Variants in LIN28B observed in about 807,000 individuals in gnomAD.
The protein encoded by LIN28B is protein lin-28 homolog B.
In LIN28B, 5 loss-of-function variants were observed where a neutral mutation model predicts 21.9. The ratio of observed to expected loss-of-function variants is 0.23; its 90% CI spans 0.12 to 0.48. The LOEUF is 0.48. LIN28B is among the 20% of genes least tolerant of loss of function. The pLI, the probability that LIN28B is intolerant of heterozygous loss-of-function variation, is 0.98. For synonymous variants in LIN28B, 109 were observed against 111.3 expected, an observed-to-expected ratio of 0.98 and a Z score of 0.13; for missense variants, 245 against 310.5, an observed-to-expected ratio of 0.79 and a Z score of 1.58.
chr6:104,991,581 C>T (rs1770480759), intron 2 of LIN28B, among the ~76,000 whole-genome samples: 1 of 152,022 alleles, frequency 6.6e-6, no homozygotes, highest in Admixed American at 6.5e-5. Flanking sequence ...GGCGGCCGGG[C>T]AGAGACGCTC....
chr6:104,967,576 C>CCA (rs1769887496), intron 2 of LIN28B, among the ~76,000 whole-genome samples: 1 of 60,736 alleles, frequency 1.6e-5, no homozygotes. Flanking sequence ...AACTCCCTCT[C>CCA]AAAAAAAAAA....
chr6:104,945,008 G>C (rs936724028), intron 2 of LIN28B, among the ~76,000 whole-genome samples: 5 of 152,052 alleles, frequency 3.3e-5, no homozygotes, highest in African/African-American at 1.2e-4. Flanking sequence ...TTATTTTACA[G>C]ACTTACTTGG....
chr6:104,945,869 T>C (rs930266702), intron 2 of LIN28B, among the ~76,000 whole-genome samples: 6 of 152,140 alleles, frequency 3.9e-5, no homozygotes, highest in Non-Finnish European at 7.4e-5. Flanking sequence ...CCAGTCATCT[T>C]AAATTATTAC....
chr6:105,016,832 G>A (rs2114319200), intron 2 of LIN28B, among the ~76,000 whole-genome samples: 1 of 152,130 alleles, frequency 6.6e-6, no homozygotes, highest in Non-Finnish European at 1.5e-5. Context: ...TGAGTTGGGT[G>A]GATTGCTTGA....
chr6:104,985,545 A>C (rs554686384), intron 2 of LIN28B, among the ~76,000 whole-genome samples: 1 of 152,302 alleles, frequency 6.6e-6, no homozygotes, highest in African/African-American at 2.4e-5. Context: ...TTGTTCAGCA[A>C]ATATCTTCTC....
At chr6:105,024,719 G>A (rs887709508) in intron 2 of LIN28B, among the ~76,000 whole-genome samples, 1 of 152,090 alleles carries the variant, frequency 6.6e-6, no homozygotes, top group Non-Finnish European at 1.5e-5. Flanking sequence ...GGGCTGTCTT[G>A]CTTTCACAAT....
At chr6:104,980,620 G>A (rs920665046) in intron 2 of LIN28B, among the ~76,000 whole-genome samples, 2 of 152,114 alleles carry the variant, frequency 1.3e-5, no homozygotes, top group Non-Finnish European at 2.9e-5. Flanking sequence ...GTTAAAGGAA[G>A]AAGTTTCATT....
rs1344356882 is a variant in LIN28B at position 105,028,656 on chromosome 6, A to G, written c.383+2174A>G. ...TTTATCAAGATGGGGAAACCTACAG[A>G]AGGAGCCTGAAATCAAAAGTATAGT... On this transcript the variant is annotated intron_variant, in intron 3 of 3. Transcript: ENST00000345080. Among the ~76,000 whole-genome samples, 3 of 152,320 alleles carry G rather than the reference A, an allele frequency of 2.0e-5. No individual in the cohort carries two copies. In the East Asian group the frequency reaches 5.8e-4, roughly 29 times the overall value.
At chr6:104,966,705 T>A (rs973410871) in intron 2 of LIN28B, among the ~76,000 whole-genome samples, 3 of 149,340 alleles carry the variant, frequency 2.0e-5, no homozygotes, top group Non-Finnish European at 3.0e-5. Flanking sequence ...CACTGCAAGC[T>A]CCGCCTCCCA....
chr6:105,051,951 A>G (rs1468258952), intron 3 of LIN28B, among the ~76,000 whole-genome samples: 1 of 152,246 alleles, frequency 6.6e-6, no homozygotes, highest in Non-Finnish European at 1.5e-5. Flanking sequence ...GAAGAAAATT[A>G]TAGCAGTGTA....
At chr6:104,940,560 GTTCAATCTC>G (rs1288626298) in intron 2 of LIN28B, 2 of 150,862 alleles carry the variant, frequency 1.3e-5, no homozygotes, top group African/African-American at 4.8e-5. Flanking sequence ...TGAATGGAAG[GTTCAATCTC>G]GCGCGCTCGG....
At chr6:104,986,410 A>T (rs1049018321) in intron 2 of LIN28B, among the ~76,000 whole-genome samples, 1 of 151,968 alleles carries the variant, frequency 6.6e-6, no homozygotes, top group Non-Finnish European at 1.5e-5. Context: ...AATTATTGTT[A>T]CTTTATAGTA....
At chr6:105,053,432 C>T (rs1039108306) in intron 3 of LIN28B, among the ~76,000 whole-genome samples, 2 of 143,872 alleles carry the variant, frequency 1.4e-5, no homozygotes, top group Admixed American at 1.4e-4. Context: ...CATAAACTTA[C>T]TTGTTACTGG....
chr6:104,958,349 T>TA, intron 2 of LIN28B, 63 bp downstream of exon 2: 1 of 1,295,656 alleles, frequency 7.7e-7, no homozygotes, highest in Non-Finnish European at 1.1e-6. Flanking sequence ...GATCGGTAGT[T>TA]ATGCCAATAG....
chr6:105,040,240 T>C (rs1771605326), intron 3 of LIN28B, among the ~76,000 whole-genome samples: 1 of 152,148 alleles, frequency 6.6e-6, no homozygotes, highest in Admixed American at 6.5e-5. Flanking sequence ...TTTTTAGTCA[T>C]TATTTGCTTA....
In LIN28B at chr6:104,958,145, G is replaced by A. The variant is rs1275508762; in HGVS notation, c.57G>A (p.Glu19=). 4.4e-6 allele frequency: 7 copies of A among 1,606,428 alleles called. No individual in the cohort carries two copies. Among genetic ancestry groups the A allele is most frequent in the African/African-American group, 2.7e-5 (2 of 74,794 alleles). The change falls in exon 2 of 4, where the codon GAG becomes GAA. Residue 19 remains glutamate (E), a synonymous_variant. Coordinates refer to ENST00000345080, the MANE Select transcript of LIN28B (RefSeq NM_001004317.4). ...GAGAAGAGCCCGGGAAGCTGCCGGA[G>A]CCGGCAGAGGAGGAATCCCAGGTTT... The part of the protein sequence containing the change: ...GGGEEPGKLP[E]PAEEESQVLR...
chr6:104,956,221 C>T (rs1373803043), upstream of LIN28B, among the ~76,000 whole-genome samples: 1 of 152,016 alleles, frequency 6.6e-6, no homozygotes, highest in Non-Finnish European at 1.5e-5. Flanking sequence ...TCTTCACCTC[C>T]CCTGCCTGGC....
chr6:105,078,422 A>G lies in LIN28B; in HGVS notation c.392A>G (p.Asn131Ser). 8 of 1,600,996 alleles carry G rather than the reference A, an allele frequency of 5.0e-6. No homozygotes were observed. The highest frequency in any genetic ancestry group is 6.8e-6 in the Non-Finnish European group (8 of 1,169,102). Residue 131 changes from asparagine (N) to serine (S), a missense_variant, in exon 4 of 4, where the codon AAC (asparagine) becomes AGC (serine). Coordinates refer to ENST00000345080, the MANE Select transcript of LIN28B (RefSeq NM_001004317.4). ...KRKPKGDRCY[N>S]CGGLDHHAKE... ...ATCTTTTTTCCTTGTAGATGCTACA[A>G]CTGTGGTGGCCTTGATCATCATGCT...
upstream of LIN28B, among the ~76,000 whole-genome samples, chr6:104,953,059 A>G (rs563228765): frequency 1.3e-5 from 2 of 152,346 alleles, no homozygotes; most frequent in East Asian, 3.9e-4. Flanking sequence ...GTTACCGCCA[A>G]GTGGTTTACC....
Sources: allele counts gnomAD v4.1 joint callset (sites outside exome capture counted in the v4.1 genomes callset), GRCh38; gene constraint gnomAD v4.1.1; transcripts MANE v1.5; gene names NCBI Gene and HGNC (gene_info 2026-07-23, HGNC 2026-07-21).